The following KLRK1 variants were observed in gnomAD, a reference collection of about 807,000 sequenced individuals.
KLRK1 encodes NKG2-D type II integral membrane protein.
In KLRK1, 40 loss-of-function variants were observed where a neutral mutation model predicts 31.3. That is an observed-to-expected ratio of 1.28 (90% confidence interval 0.99 to 1.67). The LOEUF is 1.67. Ranked by LOEUF, KLRK1 falls within the 40% of genes most tolerant of loss-of-function variation. The pLI, the probability that KLRK1 is intolerant of heterozygous loss-of-function variation, is 0.00. For synonymous variants in KLRK1, 77 were observed against 77.3 expected (o/e 1.00, Z 0.02); for missense variants, 251 against 260.0 (o/e 0.97, Z 0.24).
In KLRK1 at chr12:10,373,120, A is replaced by G. The variant is rs149731806; in HGVS notation, c.645T>C (p.Thr215=). The G allele has an allele frequency of 1.9e-6, 3 of 1,611,852 alleles. No homozygotes were observed. Among genetic ancestry groups the G allele is most frequent in the African/African-American group, 1.3e-5 (1 of 74,908 alleles). The change falls in exon 8 of 8, where the codon ACT becomes ACC. Residue 215 remains threonine, a synonymous_variant. Coordinates refer to ENST00000240618, the MANE Select transcript of KLRK1 (RefSeq NM_007360.4). ...TTGAGATGGTTGATCATCTTTACAC[A>G]GTCCTTTGCATGCAGATGTACGTAT... The part of the protein sequence containing the change: ...TPNTYICMQR[T]V
At chr12:10,379,893 T>A in intron 3 of KLRK1, 101 bp from the exon 4 acceptor site, 1 of 1,071,236 alleles carries the variant, frequency 9.3e-7, no homozygotes, top group Non-Finnish European at 1.3e-6. Context: ...GAGAAGGTGG[T>A]ATTGATCCTT....
In KLRK1 at chr12:10,388,398, T is replaced by C. The variant is rs1863206287; in HGVS notation, c.40+373A>G. ...TCTAAGATAAATATGGAATGTTTCA[T>C]GCCTGTATTTGATAGAAAAAGAAAC... is the stretch of plus-strand genomic sequence containing the variant. On this transcript the variant is annotated intron_variant, in intron 2 of 7. Transcript: ENST00000240618. 2.0e-5 allele frequency among the ~76,000 whole-genome samples: 3 copies of C among 152,200 alleles called. No homozygotes were observed. In the South Asian group the frequency reaches 6.2e-4, roughly 31 times the overall value.
chr12:10,374,950 G>A (rs1279524531), intron 7 of KLRK1, among the ~76,000 whole-genome samples: 7 of 151,928 alleles, frequency 4.6e-5, no homozygotes, highest in African/African-American at 1.7e-4. Flanking sequence ...TAGTTGTTTT[G>A]CTTCTGAAAA....
chr12:10,385,203 A>G (rs1247260965), intron 3 of KLRK1, among the ~76,000 whole-genome samples: 1 of 152,026 alleles, frequency 6.6e-6, no homozygotes. Context: ...AACTAAAAAT[A>G]TAACTACCAT....
chr12:10,378,891 T>G (rs990024474), intron 5 of KLRK1, 186 bp from the exon 6 acceptor site: 10 of 641,770 alleles, frequency 1.6e-5, no homozygotes, highest in Non-Finnish European at 2.1e-5. Context: ...TGGTGTCTCA[T>G]GCCTGTAATC....
At chr12:10,373,356 C>G in intron 7 of KLRK1, 125 bp from the exon 8 acceptor site, 1 of 686,218 alleles carries the variant, frequency 1.5e-6, no homozygotes, top group East Asian at 3.2e-5. Flanking sequence ...ATGGACCATG[C>G]CTGGTCCTAA....
chr12:10,375,307 C>T (rs1384344927), intron 7 of KLRK1, among the ~76,000 whole-genome samples: 1 of 152,120 alleles, frequency 6.6e-6, no homozygotes, highest in Non-Finnish European at 1.5e-5. Context: ...AGTCTGGCTC[C>T]AGAGCCAGAA....
chr12:10,375,713 T>C (rs1333808332), intron 7 of KLRK1, among the ~76,000 whole-genome samples: 6 of 152,230 alleles, frequency 3.9e-5, no homozygotes, highest in Non-Finnish European at 8.8e-5. Flanking sequence ...CTGATCGTTG[T>C]AGCTGAATGA....
intron 7 of KLRK1, among the ~76,000 whole-genome samples, chr12:10,373,489 C>A (rs926789854): frequency 1.3e-5 from 2 of 152,118 alleles, no homozygotes; most frequent in East Asian, 1.9e-4. Context: ...CATATGTATA[C>A]CCAAGTTAAA....
At chr12:10,387,484 A>C (rs889268665) in intron 2 of KLRK1, among the ~76,000 whole-genome samples, 2 of 152,144 alleles carry the variant, frequency 1.3e-5, no homozygotes, top group African/African-American at 2.4e-5. Flanking sequence ...TATTTTAAAA[A>C]TAAAATAAAA....
Position 10,388,870 on chromosome 12 carries a change from G to A in KLRK1, c.-60C>T, listed in dbSNP as rs757858799. ...GAATCTAAAGTCTTCAATGCACAAA[G>A]GATTCCTGAATAAAATAAAACTGGG... On this transcript the variant is annotated 5_prime_UTR_variant, in exon 2 of 8. Coordinates refer to ENST00000240618, the MANE Select transcript of KLRK1 (RefSeq NM_007360.4). The A allele has an allele frequency of 8.8e-6, 14 of 1,593,096 alleles. No individual in the cohort carries two copies. The highest frequency in any genetic ancestry group is 3.4e-5 in the Admixed American group (2 of 59,150).
intron 3 of KLRK1, among the ~76,000 whole-genome samples, chr12:10,382,935 T>C (rs984672082): frequency 2.0e-5 from 3 of 152,140 alleles, no homozygotes; most frequent in Non-Finnish European, 2.9e-5. Context: ...CTGTCATCAG[T>C]ATAAAATAAT....
At chr12:10,379,323 C>A in intron 5 of KLRK1, 124 bp downstream of exon 5, 1 of 414,806 alleles carries the variant, frequency 2.4e-6, no homozygotes, top group Non-Finnish European at 4.0e-6. Context: ...AAACAGAAGC[C>A]ATAGTGTATT....
intron 3 of KLRK1, among the ~76,000 whole-genome samples, chr12:10,384,002 C>A (rs1863122563): frequency 6.6e-6 from 1 of 151,956 alleles, no homozygotes; most frequent in Non-Finnish European, 1.5e-5. Context: ...AAGTCAATTC[C>A]ATTTGTAATA....
At position 10,378,860 on chromosome 12, in the gene KLRK1, A is replaced by G. The variant is rs1863013534; in HGVS notation, c.278-155T>C. The stretch of plus-strand genomic sequence containing the variant: ...CAAAGGCATATCTCTACATATTCAT[A>G]GAGAGAAGCCAGGCTGGGTGTGGTG... On this transcript the variant is annotated intron_variant, in intron 5 of 7. Coordinates refer to ENST00000240618, the MANE Select transcript of KLRK1 (RefSeq NM_007360.4). The G allele has an allele frequency of 4.4e-6, 4 of 907,484 alleles. No individual in the cohort carries two copies. The African/African-American group carries it at 6.9e-5, about 16-fold the overall frequency. The allele number at this position is 907,484 out of a possible 1,614,324, so 56.2% of individuals were successfully genotyped here. A position where few individuals can be genotyped will look rare whatever the true frequency, so the allele number is the denominator to read the frequency against.
Position 10,379,451 on chromosome 12 carries a change from C to T in KLRK1, c.273G>A (p.Leu91=), listed in dbSNP as rs1462789189. 1 of 1,460,136 alleles carries T rather than the reference C, an allele frequency of 6.8e-7. No homozygotes were observed. The highest frequency in any genetic ancestry group is 1.3e-5 in the South Asian group (1 of 78,276). 90.4% of individuals were successfully genotyped at this position (1,460,136 alleles called of 1,614,324 possible). A position where few individuals can be genotyped will look rare whatever the true frequency, so the allele number is the denominator to read the frequency against. Residue 91 remains leucine (L), a synonymous_variant, in exon 5 of 8, where the codon TTG becomes TTA. Coordinates refer to ENST00000240618, the MANE Select transcript of KLRK1 (RefSeq NM_007360.4). The part of the protein sequence containing the change: ...SLFNQEVQIP[L]TESYCGPCPK... ...ATATTTTAAAAATTCACTTACCGGT[C>T]AAGGGAATTTGAACTTCTTGGTTGA...
intron 7 of KLRK1, 91 bp downstream of exon 7, chr12:10,378,041 T>C (rs1862997561): frequency 7.6e-7 from 1 of 1,308,040 alleles, no homozygotes; most frequent in Non-Finnish European, 1.1e-6. Flanking sequence ...GCAAATGTCC[T>C]GGGATTATGT....
At chr12:10,384,220 C>T (rs1367390632) in intron 3 of KLRK1, among the ~76,000 whole-genome samples, 2 of 151,954 alleles carry the variant, frequency 1.3e-5, no homozygotes, top group African/African-American at 4.8e-5. Flanking sequence ...TAACACGATA[C>T]CAGTAACATT....
At position 10,378,651 on chromosome 12, in the gene KLRK1, T is replaced by G; in HGVS notation, c.332A>C (p.Tyr111Ser). The G allele has an allele frequency of 1.2e-6, 2 of 1,610,108 alleles. No homozygotes were observed. The highest frequency in any genetic ancestry group is 8.5e-7 in the Non-Finnish European group (1 of 1,179,126). ...KNWICYKNNC[Y>S]QFFDESKNWY... ...GTTTTTACTCTCATCAAAAAATTGGTAGCAGTTATTTTTGTAACATATCCA... is the reference window on the plus strand; with the variant it reads ...GTTTTTACTCTCATCAAAAAATTGGGAGCAGTTATTTTTGTAACATATCCA... Residue 111 changes from tyrosine to serine, a missense_variant, in exon 6 of 8, where the codon TAC (tyrosine) becomes TCC (serine). Transcript: ENST00000240618.
Sources: allele counts gnomAD v4.1 joint callset (sites outside exome capture counted in the v4.1 genomes callset), GRCh38; gene constraint gnomAD v4.1.1; transcripts MANE v1.5; gene names NCBI Gene and HGNC (gene_info 2026-07-23, HGNC 2026-07-21).